OR2L13: variants seen among roughly 807,000 people sequenced by gnomAD.
OR2L13 encodes the protein olfactory receptor 2L13.
A neutral mutation model predicts 15.3 loss-of-function variants in OR2L13; 14 were observed. The observed-to-expected ratio is 0.91, with a 90% confidence interval of 0.60 to 1.43. The LOEUF is 1.43. OR2L13 is among the 40% of genes most tolerant of loss of function. The probability of loss-of-function intolerance (pLI) is 0.00; values close to 1 mark genes in which losing one functional copy is unlikely to be tolerated. For synonymous variants in OR2L13, 152 were observed against 142.9 expected, an observed-to-expected ratio of 1.06 and a Z score of -0.45; for missense variants, 367 against 387.9, an observed-to-expected ratio of 0.95 and a Z score of 0.45.
At chr1:248,033,731 T>G in the OR2L13 span, among the ~76,000 whole-genome samples, 5 of 151,860 alleles carry the variant, frequency 3.3e-5, no homozygotes, top group African/African-American at 1.2e-4. Context: ...GTGTGAGCCA[T>G]GGCACCTGTC....
the OR2L13 span, among the ~76,000 whole-genome samples, chr1:247,959,009 C>T: frequency 6.6e-6 from 1 of 152,074 alleles, no homozygotes; most frequent in East Asian, 1.9e-4. Context: ...TTATTTTGCT[C>T]GTTAGTTGAT....
chr1:247,994,784 C>T, the OR2L13 span, among the ~76,000 whole-genome samples: 1 of 152,074 alleles, frequency 6.6e-6, no homozygotes, highest in African/African-American at 2.4e-5. Context: ...ATGGAACATG[C>T]TGTATAAGTT....
At chr1:247,982,696 C>A in the OR2L13 span, among the ~76,000 whole-genome samples, 25 of 151,174 alleles carry the variant, frequency 1.7e-4, no homozygotes, top group South Asian at 2.1e-4. Context: ...TCTGAGAAAC[C>A]ATTTTTCTAT....
At chr1:248,044,827 A>C in the OR2L13 span, among the ~76,000 whole-genome samples, 196 of 83,172 alleles carry the variant, frequency 2.4e-3, 14 homozygotes, top group South Asian at 9.1e-3. Flanking sequence ...AAAAAAAAAA[A>C]AAAAAAAAAA....
At chr1:248,100,302 C>T (rs867211202) in exon 3 of OR2L13, 2 of 1,593,772 alleles carry the variant, frequency 1.3e-6, no homozygotes, top group Non-Finnish European at 1.7e-6. Context: ...TATTCTCTTT[C>T]CTGAAAGAAT....
the OR2L13 span, among the ~76,000 whole-genome samples, chr1:248,068,281 G>T: frequency 6.6e-6 from 1 of 152,016 alleles, no homozygotes; most frequent in South Asian, 2.1e-4. Flanking sequence ...ACACGGCCGG[G>T]TACTCCTCTG....
chr1:248,075,603 G>T, the OR2L13 span, among the ~76,000 whole-genome samples: 1 of 152,208 alleles, frequency 6.6e-6, no homozygotes, highest in Non-Finnish European at 1.5e-5. Flanking sequence ...CTGATGACCA[G>T]TGATGATGAG....
upstream of OR2L13, among the ~76,000 whole-genome samples, chr1:248,096,512 A>T (rs913302840): frequency 6.6e-6 from 1 of 152,196 alleles, no homozygotes; most frequent in African/African-American, 2.4e-5. Flanking sequence ...TCAGGGCGTG[A>T]GGGCTCTCCA....
the OR2L13 span, among the ~76,000 whole-genome samples, chr1:248,075,945 T>A: frequency 2.0e-5 from 3 of 152,196 alleles, no homozygotes; most frequent in Non-Finnish European, 4.4e-5. Context: ...CTGAATGGTA[T>A]TGCCTAGGTT....
the OR2L13 span, among the ~76,000 whole-genome samples, chr1:248,065,925 G>T: frequency 2.0e-5 from 3 of 152,030 alleles, no homozygotes; most frequent in Admixed American, 1.3e-4. Context: ...GATTCTTCCA[G>T]GAATCTCTGG....
chr1:248,069,563 C>T, the OR2L13 span, among the ~76,000 whole-genome samples: 1 of 152,162 alleles, frequency 6.6e-6, no homozygotes, highest in African/African-American at 2.4e-5. Context: ...GAAACCGCAT[C>T]AACTGTCGAG....
chr1:248,011,809 G>T, the OR2L13 span, among the ~76,000 whole-genome samples: 1 of 152,104 alleles, frequency 6.6e-6, no homozygotes, highest in South Asian at 2.1e-4. Flanking sequence ...TGAACCCTGT[G>T]GGTGGGCCTG....
upstream of OR2L13, among the ~76,000 whole-genome samples, chr1:248,092,737 G>A (rs556436317): frequency 6.6e-6 from 1 of 152,232 alleles, no homozygotes; most frequent in East Asian, 1.9e-4. Flanking sequence ...CACCATCACA[G>A]AGTAATTCAT....
At chr1:247,966,686 A>T in the OR2L13 span, among the ~76,000 whole-genome samples, 2 of 152,234 alleles carry the variant, frequency 1.3e-5, no homozygotes, top group African/African-American at 4.8e-5. Flanking sequence ...ACACTGTTAC[A>T]GACACTGGTC....
the OR2L13 span, among the ~76,000 whole-genome samples, chr1:248,031,875 G>A: frequency 6.6e-6 from 1 of 152,020 alleles, no homozygotes; most frequent in Non-Finnish European, 1.5e-5. Flanking sequence ...CATTACATAT[G>A]AGATCTGATG....
At chr1:248,073,190 G>A in the OR2L13 span, among the ~76,000 whole-genome samples, 3 of 152,152 alleles carry the variant, frequency 2.0e-5, no homozygotes, top group Non-Finnish European at 4.4e-5. Context: ...TGTTTATTGT[G>A]TCACTATTCA....
chr1:247,952,034 G>A, the OR2L13 span, among the ~76,000 whole-genome samples: 1 of 152,212 alleles, frequency 6.6e-6, no homozygotes, highest in African/African-American at 2.4e-5. Flanking sequence ...ATTGCCCCAT[G>A]TGGTTGTTGC....
the OR2L13 span, chr1:248,061,510 T>G: frequency 1.2e-6 from 2 of 1,613,916 alleles, no homozygotes; most frequent in East Asian, 2.2e-5. Flanking sequence ...GGCTGTCTTC[T>G]ACACCACCCT....
At chr1:247,966,678 A>C in the OR2L13 span, among the ~76,000 whole-genome samples, 2 of 152,200 alleles carry the variant, frequency 1.3e-5, no homozygotes, top group African/African-American at 4.8e-5. Context: ...TGTGTGTGAC[A>C]CTGTTACAGA....
Sources: allele counts gnomAD v4.1 joint callset (sites outside exome capture counted in the v4.1 genomes callset), GRCh38; gene constraint gnomAD v4.1.1; transcripts MANE v1.5; gene names NCBI Gene and HGNC (gene_info 2026-07-23, HGNC 2026-07-21).